GNA14: variants seen among roughly 807,000 people sequenced by gnomAD.
The protein encoded by GNA14 is G protein subunit alpha 14, also known as guanine nucleotide-binding protein subunit alpha-14.
A neutral mutation model predicts 42.0 loss-of-function variants in GNA14; 50 were observed. The observed-to-expected ratio is 1.19, with a 90% CI of 0.95 to 1.51. The LOEUF is 1.51. Ranked by LOEUF, GNA14 falls within the 40% of genes most tolerant of loss-of-function variation. The pLI, the probability that GNA14 is intolerant of heterozygous loss-of-function variation, is 0.00. For missense variants in GNA14, 473 were observed against 446.2 expected (o/e 1.06, Z -0.54); for synonymous variants, 173 against 163.1 (o/e 1.06, Z -0.46).
chr9:77,589,366 A>G (rs973703035), intron 1 of GNA14, among the ~76,000 whole-genome samples: 3 of 152,202 alleles, frequency 2.0e-5, no homozygotes, highest in African/African-American at 7.2e-5. Flanking sequence ...AATTTTATTC[A>G]TGCAAAATGG....
At chr9:77,514,052 T>C (rs1416177195) in intron 2 of GNA14, among the ~76,000 whole-genome samples, 1 of 152,118 alleles carries the variant, frequency 6.6e-6, no homozygotes, top group Non-Finnish European at 1.5e-5. Context: ...GAAGGGTACA[T>C]TTGCAGCTCA....
intron 2 of GNA14, among the ~76,000 whole-genome samples, chr9:77,511,474 G>C (rs189265095): frequency 1.4e-4 from 22 of 152,318 alleles, no homozygotes; most frequent in African/African-American, 5.1e-4. Context: ...CGTAACACAT[G>C]TGTGTGTCCT....
At chr9:77,467,426 C>G (rs1201889499) in intron 2 of GNA14, among the ~76,000 whole-genome samples, 2 of 151,460 alleles carry the variant, frequency 1.3e-5, no homozygotes, top group Non-Finnish European at 2.9e-5. Flanking sequence ...TTGTGTACAC[C>G]ACGCTTCTGG....
chr9:77,432,574 AG>A (rs1381501050), intron 3 of GNA14, among the ~76,000 whole-genome samples: 1 of 152,172 alleles, frequency 6.6e-6, no homozygotes, highest in African/African-American at 2.4e-5. Context: ...TCTCTAGCTG[AG>A]GGGTTGAAAA....
chr9:77,514,890 G>A (rs1837227152), intron 2 of GNA14, among the ~76,000 whole-genome samples: 4 of 152,174 alleles, frequency 2.6e-5, no homozygotes, highest in Non-Finnish European at 4.4e-5. Context: ...TGGGATTACA[G>A]GCATGAGCCA....
intron 2 of GNA14, among the ~76,000 whole-genome samples, chr9:77,442,999 AAT>A (rs1194022811): frequency 1.3e-5 from 2 of 152,220 alleles, no homozygotes; most frequent in Non-Finnish European, 2.9e-5. Context: ...GATTTGGAAA[AAT>A]ATAGCAGCTC....
At chr9:77,524,602 CAT>C (rs1220363552) in intron 2 of GNA14, among the ~76,000 whole-genome samples, 5 of 152,198 alleles carry the variant, frequency 3.3e-5, no homozygotes, top group East Asian at 1.9e-4. Context: ...AAGAAGATAA[CAT>C]ATAGCATGCC....
intron 1 of GNA14, among the ~76,000 whole-genome samples, chr9:77,559,720 A>C (rs2131787661): frequency 6.6e-6 from 1 of 152,344 alleles, no homozygotes; most frequent in South Asian, 2.1e-4. Context: ...AGAAAGCACC[A>C]TTTAAGAAAC....
chr9:77,534,985 A>G (rs555809202), intron 1 of GNA14, among the ~76,000 whole-genome samples: 1 of 152,356 alleles, frequency 6.6e-6, no homozygotes, highest in East Asian at 1.9e-4. Flanking sequence ...ACTTGAGGCC[A>G]GGTGCCAGCA....
intron 1 of GNA14, among the ~76,000 whole-genome samples, chr9:77,562,239 T>C (rs908856074): frequency 6.6e-6 from 1 of 152,186 alleles, no homozygotes; most frequent in Non-Finnish European, 1.5e-5. Flanking sequence ...TGTATGATCA[T>C]GTTTGAGCAG....
intron 2 of GNA14, among the ~76,000 whole-genome samples, chr9:77,497,634 C>G (rs913585017): frequency 1.3e-5 from 2 of 152,162 alleles, no homozygotes; most frequent in African/African-American, 4.8e-5. Context: ...AGACCACGTT[C>G]CTGACATGTA....
chr9:77,426,849 A>T (rs1024542994), intron 5 of GNA14, among the ~76,000 whole-genome samples: 1 of 152,152 alleles, frequency 6.6e-6, no homozygotes, highest in East Asian at 1.9e-4. Flanking sequence ...CCCTGTAGGG[A>T]GGGAAGGGAT....
intron 2 of GNA14, among the ~76,000 whole-genome samples, chr9:77,523,836 G>A (rs1837396657): frequency 6.6e-6 from 1 of 152,070 alleles, no homozygotes; most frequent in African/African-American, 2.4e-5. Context: ...CTTTGCCCTT[G>A]GGAAATTCTG....
In GNA14 at chr9:77,647,813, C is replaced by A. The variant is rs1386318676; in HGVS notation, c.-20G>T. 1 of 1,602,180 alleles carries A rather than the reference C, an allele frequency of 6.2e-7. No homozygotes were observed. Among genetic ancestry groups the A allele is most frequent in the Admixed American group, 1.7e-5 (1 of 59,168 alleles). ...GGCCATGGTGCGCTCAGCTCAGTACCCGACGGGGCGACGCGGCCCCGGGCA... is the reference window on the plus strand; with the variant it reads ...GGCCATGGTGCGCTCAGCTCAGTACACGACGGGGCGACGCGGCCCCGGGCA... On this transcript the variant is annotated 5_prime_UTR_variant, in exon 1 of 7. Transcript: ENST00000341700.
chr9:77,448,125 TATG>T (rs1835851603), intron 2 of GNA14, among the ~76,000 whole-genome samples: 1 of 152,222 alleles, frequency 6.6e-6, no homozygotes, highest in African/African-American at 2.4e-5. Context: ...TGCCTTGTGA[TATG>T]ATCTGCCTGC....
chr9:77,453,581 C>T (rs140926537), intron 2 of GNA14, among the ~76,000 whole-genome samples: 2 of 152,250 alleles, frequency 1.3e-5, no homozygotes, highest in African/African-American at 2.4e-5. Flanking sequence ...TGTAACTATG[C>T]GCACCAAACT....
In GNA14 at chr9:77,507,750, C is replaced by G. The variant is rs1379381930; in HGVS notation, c.309+21319G>C. 1.3e-5 allele frequency among the ~76,000 whole-genome samples: 2 copies of G among 152,034 alleles called. 1 individual carries two copies. The highest frequency in any genetic ancestry group is 4.2e-4 in the South Asian group (2 of 4,816). The stretch of plus-strand genomic sequence containing the variant: ...TAGTCTTGCTCTGTCACCCAACTGA[C>G]AGAGTCCACTGGAGTCCAGTGGTGC... On this transcript the variant is annotated intron_variant, in intron 2 of 6. Coordinates refer to ENST00000341700, the MANE Select transcript of GNA14 (RefSeq NM_004297.4).
chr9:77,627,845 C>T (rs1824037151), intron 1 of GNA14, among the ~76,000 whole-genome samples: 1 of 152,094 alleles, frequency 6.6e-6, no homozygotes, highest in Non-Finnish European at 1.5e-5. Context: ...ACAAGGATAC[C>T]CTCTCTCACC....
chr9:77,609,497 T>G (rs1237467211), intron 1 of GNA14, among the ~76,000 whole-genome samples: 2 of 152,180 alleles, frequency 1.3e-5, no homozygotes, highest in Non-Finnish European at 2.9e-5. Flanking sequence ...TTATCCAGTT[T>G]CAAAGCCACT....
Sources: allele counts gnomAD v4.1 joint callset (sites outside exome capture counted in the v4.1 genomes callset), GRCh38; gene constraint gnomAD v4.1.1; transcripts MANE v1.5; gene names NCBI Gene and HGNC (gene_info 2026-07-23, HGNC 2026-07-21).